Variants in TBC1D23 observed in about 807,000 individuals in gnomAD.
TBC1D23 encodes the protein HCV non-structural protein 4A-transactivated protein 1.
In TBC1D23, 55 loss-of-function variants were observed where a neutral mutation model predicts 91.4. The ratio of observed to expected loss-of-function variants is 0.60; its 90% confidence interval spans 0.48 to 0.75. The LOEUF (loss-of-function observed/expected upper bound fraction) is 0.75. TBC1D23 is among the 30% of genes least tolerant of loss of function. The pLI is 0.00. For missense variants in TBC1D23, 725 were observed against 836.1 expected (o/e 0.87, Z 1.64); for synonymous variants, 289 against 281.0 (o/e 1.03, Z -0.28).
chr3:100,295,311 T>C lies in TBC1D23; in HGVS notation c.735T>C (p.Ile245=), dbSNP rs199967519. Residue 245 remains isoleucine, a synonymous_variant, in exon 7 of 19, where the codon ATT becomes ATC. Coordinates refer to ENST00000394144, the MANE Select transcript of TBC1D23 (RefSeq NM_001199198.3). The part of the protein sequence containing the change: ...LIILVNAKEV[I]LTQESDSKEE... ...TGATTCCCTTTTACAGAGAAGTTAT[T>C]TTAACACAAGAGTCAGACAGCAAAG... is the stretch of plus-strand genomic sequence containing the variant. 2,693 of 1,610,940 alleles carry C rather than the reference T, an allele frequency of 1.7e-3. 61 individuals are homozygous for C. In the South Asian group the frequency reaches 0.028, roughly 17 times the overall value.
chr3:100,274,083 T>C (rs1410092692), intron 1 of TBC1D23, among the ~76,000 whole-genome samples: 1 of 152,182 alleles, frequency 6.6e-6, no homozygotes, highest in African/African-American at 2.4e-5. Flanking sequence ...TGGTTTTTAA[T>C]TTTTTTAATG....
intron 1 of TBC1D23, among the ~76,000 whole-genome samples, chr3:100,267,990 G>A (rs1361864213): frequency 1.3e-5 from 2 of 152,218 alleles, no homozygotes; most frequent in Non-Finnish European, 2.9e-5. Context: ...GGGCAACATA[G>A]TGAGGCCTCG....
chr3:100,286,620 C>T (rs930425387), intron 4 of TBC1D23, among the ~76,000 whole-genome samples: 4 of 152,068 alleles, frequency 2.6e-5, no homozygotes, highest in East Asian at 1.9e-4. Flanking sequence ...ACCTCAGCCT[C>T]CTGAGTAGCT....
intron 14 of TBC1D23, among the ~76,000 whole-genome samples, chr3:100,311,484 A>G (rs1191035744): frequency 6.6e-6 from 1 of 152,216 alleles, no homozygotes; most frequent in Admixed American, 6.5e-5. Flanking sequence ...AGACTTGTTT[A>G]TGCAGTAAAG....
At chr3:100,291,576 C>G (rs1455766395) in intron 5 of TBC1D23, among the ~76,000 whole-genome samples, 2 of 142,356 alleles carry the variant, frequency 1.4e-5, no homozygotes, top group Admixed American at 7.1e-5. Context: ...GAGTGAGACT[C>G]TGTCTCAAAA....
intron 17 of TBC1D23, among the ~76,000 whole-genome samples, 187 bp from the exon 18 acceptor site, chr3:100,320,590 T>C (rs1705836854): frequency 6.6e-6 from 1 of 152,190 alleles, no homozygotes; most frequent in African/African-American, 2.4e-5. Flanking sequence ...AAATATTAAT[T>C]TTGCATACAA....
chr3:100,312,005 A>G (rs1274447283), intron 15 of TBC1D23, 128 bp downstream of exon 15: 20 of 636,314 alleles, frequency 3.1e-5, no homozygotes, highest in Middle Eastern at 2.4e-4. Context: ...AACTTTCCTC[A>G]TTCTGCTTTT....
Position 100,302,096 on chromosome 3 carries a change from G to C in TBC1D23, c.1122G>C (p.Gln374His). The C allele has an allele frequency of 6.2e-7, 1 of 1,613,492 alleles. No homozygotes were observed. The highest frequency in any genetic ancestry group is 8.5e-7 in the Non-Finnish European group (1 of 1,179,786). Residue 374 changes from glutamine (Q) to histidine (H), a missense_variant, in exon 11 of 19, where the codon CAG becomes CAC. Coordinates refer to ENST00000394144, the MANE Select transcript of TBC1D23 (RefSeq NM_001199198.3). Reference sequence around the variant, plus strand: ...TTCAGAATCCATCTGAGTTTGCACAGTCAGTAAAATCCTTGCTGGAAGCAC... The same window carrying C: ...TTCAGAATCCATCTGAGTTTGCACACTCAGTAAAATCCTTGCTGGAAGCAC... ...LMLQNPSEFAQSVKSLLEAQK... is the reference protein window; with the variant it reads ...LMLQNPSEFAHSVKSLLEAQK...
At chr3:100,295,857 A>G (rs1429633192) in intron 7 of TBC1D23, among the ~76,000 whole-genome samples, 1 of 152,198 alleles carries the variant, frequency 6.6e-6, no homozygotes, top group Admixed American at 6.5e-5. Flanking sequence ...TTAAGTCAGT[A>G]ACTATTTCTT....
intron 14 of TBC1D23, among the ~76,000 whole-genome samples, chr3:100,311,432 A>G (rs182543399): frequency 1.2e-4 from 18 of 152,320 alleles, no homozygotes; most frequent in African/African-American, 3.8e-4. Context: ...CTTATCTAAA[A>G]TGGTCAACTG....
intron 1 of TBC1D23, among the ~76,000 whole-genome samples, chr3:100,265,677 T>C (rs1235036593): frequency 6.6e-6 from 1 of 152,224 alleles, no homozygotes; most frequent in Non-Finnish European, 1.5e-5. Context: ...TTCAATTATA[T>C]AACTGTTGAA....
At chr3:100,284,546 A>G (rs2067723871) in intron 4 of TBC1D23, among the ~76,000 whole-genome samples, 2 of 152,146 alleles carry the variant, frequency 1.3e-5, no homozygotes, top group Admixed American at 6.6e-5. Context: ...GGTGAAATAT[A>G]GAGTGCTATG....
chr3:100,281,888 A>G (rs888305933), intron 3 of TBC1D23, 41 bp downstream of exon 3: 5 of 1,366,298 alleles, frequency 3.7e-6, no homozygotes, highest in Non-Finnish European at 5.1e-6. Context: ...TAAATTTTGG[A>G]AATAATTTTT....
chr3:100,279,049 A>G (rs1176594354), intron 1 of TBC1D23, among the ~76,000 whole-genome samples: 3 of 152,246 alleles, frequency 2.0e-5, no homozygotes, highest in Non-Finnish European at 4.4e-5. Flanking sequence ...CCAGACTGTT[A>G]AAATTTGAAT....
chr3:100,298,020 T>A lies in TBC1D23; in HGVS notation c.974T>A (p.Ile325Asn). The change falls in exon 9 of 19, where the codon ATC becomes AAC. Residue 325 changes from isoleucine (I) to asparagine (N), a missense_variant. Transcript: ENST00000394144. ...TGTCTGGCCATCTCCGTGTCAGAGA[T>A]CCTTCAAGCGAATCAGCTACAAGGG... ...ALCLAISVSE[I>N]LQANQLQGEG... The A allele has an allele frequency of 6.2e-7, 1 of 1,613,620 alleles. No individual in the cohort carries two copies. Among genetic ancestry groups the A allele is most frequent in the South Asian group, 1.1e-5 (1 of 91,016 alleles).
chr3:100,319,229 G>C (rs2148873515), intron 17 of TBC1D23, 25 bp downstream of exon 17: 1 of 1,584,262 alleles, frequency 6.3e-7, no homozygotes, highest in African/African-American at 1.4e-5. Context: ...GTCTTCATAA[G>C]AAGTAAAATT....
intron 1 of TBC1D23, among the ~76,000 whole-genome samples, chr3:100,264,950 C>T (rs2067546055): frequency 6.6e-6 from 1 of 152,196 alleles, no homozygotes; most frequent in Non-Finnish European, 1.5e-5. Context: ...GTCTCTGTTT[C>T]TGACTAGCTG....
Position 100,318,982 on chromosome 3 carries a change from T to C in TBC1D23, c.1688-87T>C. 4.7e-6 allele frequency: 4 copies of C among 843,888 alleles called. No individual in the cohort carries two copies. The South Asian group carries it at 7.7e-5, about 16-fold the overall frequency. The allele number at this position is 843,888 out of a possible 1,614,324, so 52.3% of individuals were successfully genotyped here. A position where few individuals can be genotyped will look rare whatever the true frequency, so the allele number is the denominator to read the frequency against. On this transcript the variant is annotated intron_variant, in intron 16 of 18. Coordinates refer to ENST00000394144, the MANE Select transcript of TBC1D23 (RefSeq NM_001199198.3). The stretch of plus-strand genomic sequence containing the variant: ...TGTTTTTCAATCCATATCTTCAAAA[T>C]ACTACTGAAATTTTTTTAGACTGTT...
chr3:100,290,839 T>C, intron 5 of TBC1D23, 138 bp downstream of exon 5: 3 of 644,082 alleles, frequency 4.7e-6, no homozygotes, highest in Non-Finnish European at 7.2e-6. Context: ...GGGGTAAAAT[T>C]ATTGGCATTT....
Sources: gnomAD v4.1 joint callset for allele counts (sites outside exome capture counted in the v4.1 genomes callset) on GRCh38, gnomAD v4.1.1 for gene constraint, MANE v1.5 for transcripts, NCBI Gene and HGNC (gene_info 2026-07-23, HGNC 2026-07-21) for gene names.